ZNF644: variants seen among roughly 807,000 people sequenced by gnomAD.
ZNF644 encodes the protein zinc finger protein 644, also known as zinc finger motif enhancer binding protein 2.
Under a neutral mutation model 108.0 loss-of-function variants are expected in ZNF644, and 20 were observed. The observed-to-expected ratio is 0.19, with a 90% CI of 0.13 to 0.27. The LOEUF (loss-of-function observed/expected upper bound fraction) is 0.27. Ranked by LOEUF, ZNF644 falls within the 10% of genes least tolerant of loss-of-function variation. ZNF644 has a pLI of 1.00. For synonymous variants in ZNF644, 542 were observed against 539.1 expected, an observed-to-expected ratio of 1.01 and a Z score of -0.08; for missense variants, 1,338 against 1,548.9, an observed-to-expected ratio of 0.86 and a Z score of 2.29.
Position 90,939,562 on chromosome 1 carries a change from T to G in ZNF644, c.1792A>C (p.Lys598Gln), listed in dbSNP as rs1651734095. The G allele has an allele frequency of 6.2e-7, 1 of 1,613,892 alleles. No homozygotes were observed. Among genetic ancestry groups the G allele is most frequent in the African/African-American group, 1.3e-5 (1 of 74,928 alleles). Residue 598 changes from lysine (K) to glutamine (Q), a missense_variant, in exon 3 of 6, where the codon AAA (lysine) becomes CAA (glutamine). Transcript: ENST00000337393. Reference sequence around the variant, plus strand: ...TCCGTGTGCTTTTTTAAAACACTTTTGGCTGAAGTAGTAAAAGGACACATC... The same window carrying G: ...TCCGTGTGCTTTTTTAAAACACTTTGGGCTGAAGTAGTAAAAGGACACATC... ...CKMCPFTTSA[K>Q]SVLKKHTEYL...
intron 1 of ZNF644, among the ~76,000 whole-genome samples, chr1:90,999,588 C>G (rs1049410359): frequency 6.6e-6 from 1 of 152,076 alleles, no homozygotes; most frequent in South Asian, 2.1e-4. Flanking sequence ...AAAACATGCC[C>G]AATTGTAAAG....
chr1:90,955,610 T>C (rs1653679439), intron 2 of ZNF644, among the ~76,000 whole-genome samples: 1 of 152,244 alleles, frequency 6.6e-6, no homozygotes, highest in Non-Finnish European at 1.5e-5. Context: ...AATCCACCTC[T>C]GTTAGCTTCC....
chr1:90,923,929 A>G (rs934937220), intron 4 of ZNF644, among the ~76,000 whole-genome samples: 2 of 152,192 alleles, frequency 1.3e-5, no homozygotes. Context: ...GTTAAAGGAA[A>G]TGGAAGTAGC....
chr1:91,021,843 C>G (rs1222865229), intron 1 of ZNF644, 147 bp downstream of exon 1: 4 of 397,314 alleles, frequency 1.0e-5, no homozygotes, highest in African/African-American at 2.1e-5. Context: ...TGGGACCCAG[C>G]CTAGGGCGTA....
chr1:91,018,507 A>G lies in ZNF644; in HGVS notation c.-18+3483T>C, dbSNP rs568857311. Among the ~76,000 whole-genome samples, 7 of 152,344 alleles carry G rather than the reference A, an allele frequency of 4.6e-5. No homozygotes were observed. The South Asian group carries it at 1.4e-3, about 32-fold the overall frequency. On this transcript the variant is annotated intron_variant, in intron 1 of 5. Transcript: ENST00000337393. ...CTCTTCATTCTCGTTTTATTTTACA[A>G]GGTTACTAATTTAAAACATTTAGAA...
intron 4 of ZNF644, among the ~76,000 whole-genome samples, chr1:90,934,358 G>C (rs370910906): frequency 1.3e-5 from 2 of 152,104 alleles, no homozygotes; most frequent in Admixed American, 1.3e-4. Context: ...GAACAAAAAA[G>C]CTGGGAAAAC....
At chr1:90,990,639 A>T (rs1267360007) in intron 1 of ZNF644, among the ~76,000 whole-genome samples, 1 of 152,194 alleles carries the variant, frequency 6.6e-6, no homozygotes, top group East Asian at 1.9e-4. Flanking sequence ...AAGAGAAGAT[A>T]ATTCCACAAA....
chr1:90,922,675 T>C (rs1649593386), intron 4 of ZNF644, among the ~76,000 whole-genome samples: 1 of 152,078 alleles, frequency 6.6e-6, no homozygotes, highest in African/African-American at 2.4e-5. Context: ...TACAGACTAT[T>C]TCATCACCCA....
chr1:91,014,129 G>T (rs919782240), intron 1 of ZNF644, among the ~76,000 whole-genome samples: 1 of 152,032 alleles, frequency 6.6e-6, no homozygotes, highest in African/African-American at 2.4e-5. Flanking sequence ...TATAAATTAT[G>T]CAATGGTTAA....
At chr1:91,004,239 C>A (rs1570562913) in intron 1 of ZNF644, among the ~76,000 whole-genome samples, 1 of 62,200 alleles carries the variant, frequency 1.6e-5, no homozygotes, top group African/African-American at 6.8e-5. Flanking sequence ...AGAGGATAAA[C>A]CCAGAGAGAT....
At chr1:91,007,614 T>G (rs745776967) in intron 1 of ZNF644, among the ~76,000 whole-genome samples, 22 of 151,970 alleles carry the variant, frequency 1.4e-4, no homozygotes, top group Non-Finnish European at 2.6e-4. Flanking sequence ...TCCGTGGGAG[T>G]TTTCTCAACT....
chr1:90,935,687 T>C (rs965441245), intron 4 of ZNF644, among the ~76,000 whole-genome samples: 1 of 152,230 alleles, frequency 6.6e-6, no homozygotes, highest in Admixed American at 6.5e-5. Context: ...AAGTTAACTG[T>C]TATTAGTTTG....
chr1:90,929,400 C>G (rs1650451439), intron 4 of ZNF644, among the ~76,000 whole-genome samples: 1 of 152,188 alleles, frequency 6.6e-6, no homozygotes, highest in East Asian at 1.9e-4. Context: ...CTCCTCAGCC[C>G]AGTCTGGAAG....
At position 90,916,682 on chromosome 1, in the gene ZNF644, T is replaced by C. The variant is rs115980476; in HGVS notation, c.*116A>G. ...TTGCTCTGATGTCACTGTAATTCAC[T>C]TTCCCCCCATTTTCCTGCTTTAGTA... On this transcript the variant is annotated 3_prime_UTR_variant, in exon 6 of 6. Transcript: ENST00000337393. 1.6e-3 allele frequency: 1,767 copies of C among 1,132,512 alleles called. 24 individuals carry two copies. The African/African-American group carries it at 0.024, about 15-fold the overall frequency. The allele number at this position is 1,132,512 out of a possible 1,614,324, so 70.2% of individuals were successfully genotyped here. A position where few individuals can be genotyped will look rare whatever the true frequency, so the allele number is the denominator to read the frequency against.
intron 4 of ZNF644, among the ~76,000 whole-genome samples, chr1:90,925,839 G>A (rs754825032): frequency 6.6e-6 from 1 of 152,044 alleles, no homozygotes; most frequent in African/African-American, 2.4e-5. Context: ...AACAAGTGTG[G>A]TTATTTGCTT....
intron 4 of ZNF644, among the ~76,000 whole-genome samples, chr1:90,934,586 A>G (rs2100902704): frequency 6.6e-6 from 1 of 152,344 alleles, no homozygotes; most frequent in Middle Eastern, 3.4e-3. Flanking sequence ...ATTACATATA[A>G]GTAAGCTAAT....
intron 2 of ZNF644, among the ~76,000 whole-genome samples, chr1:90,957,533 G>T (rs564803248): frequency 2.0e-5 from 3 of 152,074 alleles, no homozygotes; most frequent in African/African-American, 7.2e-5. Context: ...AACACTACAT[G>T]ATCATCTCAA....
intron 2 of ZNF644, among the ~76,000 whole-genome samples, chr1:90,968,387 T>G (rs1655138552): frequency 6.6e-6 from 1 of 152,184 alleles, no homozygotes; most frequent in African/African-American, 2.4e-5. Context: ...ACTAGCTAAT[T>G]TGCTTTTAAA....
intron 1 of ZNF644, among the ~76,000 whole-genome samples, chr1:91,017,541 C>G (rs1385456875): frequency 3.9e-5 from 6 of 152,246 alleles, no homozygotes; most frequent in Non-Finnish European, 7.3e-5. Flanking sequence ...TGGAAAGTTA[C>G]TCTCACAGGG....
Sources: gnomAD v4.1 joint callset for allele counts (sites outside exome capture counted in the v4.1 genomes callset) on GRCh38, gnomAD v4.1.1 for gene constraint, MANE v1.5 for transcripts, NCBI Gene and HGNC (gene_info 2026-07-23, HGNC 2026-07-21) for gene names.